The following ATP5MK variants were observed in gnomAD, a reference collection of about 807,000 sequenced individuals.
ATP5MK encodes ATP synthase F(0) complex subunit k, mitochondrial.
ATP5MK carries 5 observed loss-of-function variants against 6.6 expected under a neutral mutation model. The observed-to-expected ratio is 0.76, with a 90% CI of 0.40 to 1.60. ATP5MK has a LOEUF of 1.60. Among genes scored for constraint, ATP5MK ranks in the 40% most tolerant of loss-of-function variants. ATP5MK has a pLI of 0.02. For missense variants in ATP5MK, 57 were observed against 66.6 expected, an observed-to-expected ratio of 0.86 and a Z score of 0.50; for synonymous variants, 30 against 24.5, an observed-to-expected ratio of 1.22 and a Z score of -0.66.
chr10:103,393,407 T>C (rs1448430052), intron 2 of ATP5MK, among the ~76,000 whole-genome samples: 4 of 151,926 alleles, frequency 2.6e-5, no homozygotes, highest in South Asian at 2.1e-4. Context: ...GGTGAAACCC[T>C]GTCTCTACTA....
At chr10:103,390,116 T>C (rs2093409666) in intron 4 of ATP5MK, among the ~76,000 whole-genome samples, 1 of 152,178 alleles carries the variant, frequency 6.6e-6, no homozygotes. Context: ...TACTACCTGT[T>C]CGTCAGGAAT....
intron 4 of ATP5MK, 36 bp from the exon 5 acceptor site, chr10:103,389,202 G>C (rs1399735758): frequency 6.6e-6 from 1 of 152,190 alleles, no homozygotes; most frequent in Non-Finnish European, 1.5e-5. Flanking sequence ...TACAAATGTG[G>C]CCAGCTTTAC....
At chr10:103,393,910 G>T (rs187085241) in intron 2 of ATP5MK, among the ~76,000 whole-genome samples, 227 of 152,286 alleles carry the variant, frequency 1.5e-3, no homozygotes, top group African/African-American at 4.6e-3. Context: ...GTTCAATTTT[G>T]TAAGAAAAAA....
At chr10:103,390,995 T>C (rs1163602425) in intron 4 of ATP5MK, among the ~76,000 whole-genome samples, 2 of 152,060 alleles carry the variant, frequency 1.3e-5, no homozygotes, top group Non-Finnish European at 2.9e-5. Context: ...AAAAGAAATA[T>C]TTGCAACTGA....
intron 4 of ATP5MK, among the ~76,000 whole-genome samples, chr10:103,391,293 G>C (rs995217719): frequency 3.9e-5 from 6 of 152,182 alleles, no homozygotes; most frequent in Non-Finnish European, 8.8e-5. Context: ...TATAGACAAG[G>C]CTTCATGCTC....
chr10:103,389,178 G>GCAAA lies in ATP5MK; in HGVS notation c.*4-16_*4-13dup, dbSNP rs1170227461. The GCAAA allele has an allele frequency of 6.6e-6, 1 of 152,338 alleles. No homozygotes were observed. Among genetic ancestry groups the GCAAA allele is most frequent in the East Asian group, 1.9e-4 (1 of 5,202 alleles). 9.4% of individuals were successfully genotyped at this position (152,338 alleles called of 1,614,324 possible). ...GACAGTTTAAAATCCTATAAACAAAGCAAACAGTTTAGATACAAATGTGGC... is the reference window on the plus strand; with the variant it reads ...GACAGTTTAAAATCCTATAAACAAAGCAAACAAACAGTTTAGATACAAATGTGGC... On this transcript the variant is annotated splice_polypyrimidine_tract_variant and intron_variant, in intron 4 of 4. Coordinates refer to ENST00000369815, the MANE Select transcript of ATP5MK (RefSeq NM_001206427.2).
At chr10:103,394,124 G>A in intron 2 of ATP5MK, 1 of 289,180 alleles carries the variant, frequency 3.5e-6, no homozygotes, top group Non-Finnish European at 7.4e-6. Flanking sequence ...TGCAGTAAAT[G>A]AAATAGAAAA....
At chr10:103,394,339 CGAGCCGGTCGA>C (rs1368355489) in intron 2 of ATP5MK, 1 of 533,118 alleles carries the variant, frequency 1.9e-6, no homozygotes, top group Non-Finnish European at 3.9e-6. Flanking sequence ...GCAACACAGA[CGAGCCGGTCGA>C]GGTCCGGTCG....
At chr10:103,393,135 A>C (rs1370591154) in intron 2 of ATP5MK, among the ~76,000 whole-genome samples, 2 of 152,190 alleles carry the variant, frequency 1.3e-5, no homozygotes, top group Non-Finnish European at 2.9e-5. Flanking sequence ...AAAAAAAGCC[A>C]AAAACCAAAA....
intron 2 of ATP5MK, among the ~76,000 whole-genome samples, chr10:103,393,605 AAAAT>A (rs1291213357): frequency 3.3e-5 from 5 of 151,878 alleles, no homozygotes; most frequent in East Asian, 1.9e-4. Flanking sequence ...AAATAAATAA[AAAAT>A]AAATAAACTG....
chr10:103,389,721 T>C (rs2093408177), intron 4 of ATP5MK, among the ~76,000 whole-genome samples: 1 of 152,042 alleles, frequency 6.6e-6, no homozygotes, highest in Non-Finnish European at 1.5e-5. Flanking sequence ...AAGTCTAGCA[T>C]ATAAAGTAAC....
chr10:103,393,201 C>G (rs1483360054), intron 2 of ATP5MK, among the ~76,000 whole-genome samples: 1 of 152,084 alleles, frequency 6.6e-6, no homozygotes, highest in Non-Finnish European at 1.5e-5. Flanking sequence ...ATTTAATCAT[C>G]AAACAAGCAA....
chr10:103,392,263 T>G lies in ATP5MK; in HGVS notation c.108A>C (p.Gly36=). 6.2e-7 allele frequency: 1 copy of G among 1,613,528 alleles called. No homozygotes were observed. The highest frequency in any genetic ancestry group is 8.5e-7 in the Non-Finnish European group (1 of 1,179,850). The change falls in exon 4 of 5, where the codon GGA becomes GGC. Residue 36 remains glycine, a synonymous_variant. Coordinates refer to ENST00000369815, the MANE Select transcript of ATP5MK (RefSeq NM_001206427.2). ...AATATAAGACAATCAATGCAATGCT[T>G]CCATATGTGGCCAGTACACACTGAG... is the stretch of plus-strand genomic sequence containing the variant. ...GRMNCVLATY[G]SIALIVLYFK... is the part of the protein sequence containing the mutation.
At chr10:103,389,521 C>A (rs985847105) in intron 4 of ATP5MK, among the ~76,000 whole-genome samples, 1 of 151,886 alleles carries the variant, frequency 6.6e-6, no homozygotes, top group African/African-American at 2.4e-5. Context: ...CAGGGTTTCA[C>A]CATGTTGGTC....
rs753437170 is a variant in ATP5MK, at chr10:103,392,478, A to T, written c.-9-12T>A. 8.3e-6 allele frequency: 13 copies of T among 1,562,746 alleles called. No homozygotes were observed. Among genetic ancestry groups the T allele is most frequent in the Non-Finnish European group, 1.1e-5 (13 of 1,155,354 alleles). On this transcript the variant is annotated splice_polypyrimidine_tract_variant and intron_variant, in intron 2 of 4. Transcript: ENST00000369815. ...GCCATGATTTCAATCTTTTAAAAAA[A>T]GAAAGAAAGCAACATTAAATTGGTT...
At chr10:103,394,303 C>G (rs2093423437) in intron 2 of ATP5MK, 1 of 534,010 alleles carries the variant, frequency 1.9e-6, no homozygotes, top group African/African-American at 1.9e-5. Context: ...CTATCTACCA[C>G]GACCGACGCC....
At chr10:103,394,421 C>G in intron 2 of ATP5MK, 1 of 498,658 alleles carries the variant, frequency 2.0e-6, no homozygotes, top group Non-Finnish European at 4.3e-6. Context: ...AGGGAGATAT[C>G]TGTCAGGGAG....
intron 4 of ATP5MK, 122 bp from the exon 5 acceptor site, chr10:103,389,288 A>G (rs147031913): frequency 6.6e-6 from 1 of 152,360 alleles, no homozygotes; most frequent in African/African-American, 2.4e-5. Context: ...ATTGTCAAAG[A>G]TGTAACACCA....
chr10:103,391,085 ATT>A (rs2093413235), intron 4 of ATP5MK, among the ~76,000 whole-genome samples: 1 of 152,230 alleles, frequency 6.6e-6, no homozygotes, highest in South Asian at 2.1e-4. Flanking sequence ...AATGAATTGT[ATT>A]TTCAAGAAAA....
Sources: gnomAD v4.1 joint callset for allele counts (sites outside exome capture counted in the v4.1 genomes callset) on GRCh38, gnomAD v4.1.1 for gene constraint, MANE v1.5 for transcripts, NCBI Gene and HGNC (gene_info 2026-07-23, HGNC 2026-07-21) for gene names.